FRAS1: variants seen among roughly 807,000 people sequenced by gnomAD.
FRAS1 encodes Fraser extracellular matrix complex subunit 1, also known as extracellular matrix organizing protein FRAS1.
A neutral mutation model predicts 435.2 loss-of-function variants in FRAS1; 290 were observed. That is an observed-to-expected ratio of 0.67 (90% CI 0.61 to 0.73). FRAS1 has a LOEUF of 0.73. Ranked by LOEUF, FRAS1 falls within the 30% of genes least tolerant of loss-of-function variation. The pLI is 0.00. For synonymous variants in FRAS1, 1,800 were observed against 1,851.0 expected (o/e 0.97, Z 0.71); for missense variants, 4,860 against 5,001.5 (o/e 0.97, Z 0.85).
chr4:78,367,355 T>C (rs1190162142), intron 22 of FRAS1, among the ~76,000 whole-genome samples: 1 of 151,612 alleles, frequency 6.6e-6, no homozygotes, highest in Non-Finnish European at 1.5e-5. Flanking sequence ...TGAGCTGTGT[T>C]CATGCCACTA....
Position 78,540,830 on chromosome 4 carries a change from T to C in FRAS1, c.11745T>C (p.Leu3915=). 5 of 1,614,028 alleles carry C rather than the reference T, an allele frequency of 3.1e-6. No individual in the cohort carries two copies. The highest frequency in any genetic ancestry group is 3.4e-6 in the Non-Finnish European group (4 of 1,179,872). Residue 3915 remains leucine (L), a synonymous_variant, in exon 74 of 74, where the codon CTT becomes CTC. Coordinates refer to ENST00000512123, the MANE Select transcript of FRAS1 (RefSeq NM_025074.7). Reference sequence around the variant, plus strand: ...GCAGTGCCCTGGCTGCAATCATGCTTCTACTTCTGGTGTTTTTGGTGGCTT... The same window carrying C: ...GCAGTGCCCTGGCTGCAATCATGCTCCTACTTCTGGTGTTTTTGGTGGCTT... ...SIGSALAAIM[L]LLLVFLVACF...
intron 70 of FRAS1, among the ~76,000 whole-genome samples, chr4:78,533,790 G>A (rs368089356): frequency 1.1e-4 from 16 of 152,288 alleles, no homozygotes; most frequent in East Asian, 9.6e-4. Flanking sequence ...TATGTGTTTC[G>A]GAGCTTAGAG....
chr4:78,206,982 C>T lies in FRAS1; in HGVS notation c.109-30528C>T, dbSNP rs181347697. Among the ~76,000 whole-genome samples the T allele has an allele frequency of 1.6e-4, 25 of 152,300 alleles. No homozygotes were observed. The East Asian group carries it at 3.9e-3, about 23-fold the overall frequency. On this transcript the variant is annotated intron_variant, in intron 2 of 73. Transcript: ENST00000512123. ...CTGGGGGCAATAGGGCCTAGTTATC[C>T]TGAGGTGTGCTCAGGTGGAGCCCTT... is the stretch of plus-strand genomic sequence containing the variant.
At chr4:78,095,790 T>G (rs1741773096) in intron 2 of FRAS1, among the ~76,000 whole-genome samples, 1 of 152,074 alleles carries the variant, frequency 6.6e-6, no homozygotes. Flanking sequence ...CTCTGCTGAG[T>G]CCCTACCACA....
intron 29 of FRAS1, among the ~76,000 whole-genome samples, chr4:78,392,613 G>T (rs73831307): frequency 8.2e-4 from 124 of 152,104 alleles, no homozygotes; most frequent in African/African-American, 2.9e-3. Flanking sequence ...ATTGTTCTAT[G>T]AAATGAATTA....
rs41327848 is a variant in FRAS1 at position 78,482,528 on chromosome 4, C to T, written c.8745C>T (p.Phe2915=). The T allele has an allele frequency of 0.2, 330,127 of 1,612,948 alleles. 37,424 individuals are homozygous for T. Among genetic ancestry groups the T allele is most frequent in the African/African-American group, 0.33 (24,464 of 74,926 alleles). ...CAGTCATTGCAATTAATGACACATT[C>T]CAAGATGGTAAGAGATTGGGGATGC... ...FQAVIAINDT[F]QDVPSMQFAK... is the part of the protein sequence containing the mutation. The change falls in exon 58 of 74, where the codon TTC becomes TTT. Residue 2915 remains phenylalanine (F), a synonymous_variant. Transcript: ENST00000512123.
chr4:78,436,355 TCTTTA>T (rs1232747901), intron 38 of FRAS1, among the ~76,000 whole-genome samples: 5 of 152,212 alleles, frequency 3.3e-5, no homozygotes, highest in African/African-American at 9.7e-5. Flanking sequence ...CACAGGATGT[TCTTTA>T]CTTTGCTGGT....
At chr4:78,264,342 T>G (rs948476838) in intron 6 of FRAS1, among the ~76,000 whole-genome samples, 7 of 152,182 alleles carry the variant, frequency 4.6e-5, no homozygotes, top group African/African-American at 1.7e-4. Context: ...TTTGGGCATT[T>G]AATCTGTCAC....
intron 2 of FRAS1, among the ~76,000 whole-genome samples, chr4:78,066,505 GC>G (rs1251944422): frequency 2.6e-5 from 4 of 152,166 alleles, no homozygotes; most frequent in Non-Finnish European, 4.4e-5. Flanking sequence ...CTGAACTCTT[GC>G]CATATAGGGT....
intron 9 of FRAS1, among the ~76,000 whole-genome samples, chr4:78,270,507 C>G (rs763221640): frequency 5.9e-5 from 9 of 151,832 alleles, no homozygotes; most frequent in Non-Finnish European, 1.0e-4. Context: ...ATTTCCCTCC[C>G]ACAATTTTTT....
intron 2 of FRAS1, among the ~76,000 whole-genome samples, chr4:78,193,268 C>T (rs1722635816): frequency 6.6e-6 from 1 of 152,160 alleles, no homozygotes; most frequent in African/African-American, 2.4e-5. Context: ...GTGGAGAGTT[C>T]TGCAGATGTC....
chr4:78,069,633 A>G (rs1169427123), intron 2 of FRAS1, among the ~76,000 whole-genome samples: 1 of 152,158 alleles, frequency 6.6e-6, no homozygotes, highest in Non-Finnish European at 1.5e-5. Flanking sequence ...GTTGTTGCAA[A>G]GACGATAATA....
chr4:78,209,561 G>A (rs1723416101), intron 2 of FRAS1, among the ~76,000 whole-genome samples: 1 of 152,034 alleles, frequency 6.6e-6, no homozygotes, highest in African/African-American at 2.4e-5. Flanking sequence ...TTTGCCTGGG[G>A]CTTCCTTTAC....
intron 66 of FRAS1, among the ~76,000 whole-genome samples, chr4:78,518,262 A>T (rs1721270855): frequency 6.6e-6 from 1 of 151,950 alleles, no homozygotes; most frequent in African/African-American, 2.4e-5. Context: ...TTAAAAAAAA[A>T]CTTTAGAAAA....
chr4:78,536,898 A>G, intron 71 of FRAS1, 97 bp from the exon 72 acceptor site: 1 of 873,438 alleles, frequency 1.1e-6, no homozygotes, highest in Non-Finnish European at 1.8e-6. Flanking sequence ...AGTGCTTTTC[A>G]CTCTTAAGGG....
intron 2 of FRAS1, among the ~76,000 whole-genome samples, chr4:78,068,210 C>A (rs577215864): frequency 1.3e-5 from 2 of 152,104 alleles, no homozygotes; most frequent in South Asian, 4.2e-4. Flanking sequence ...TATAGAATGT[C>A]AGATAGGTGG....
At chr4:78,207,486 A>G (rs1723312000) in intron 2 of FRAS1, among the ~76,000 whole-genome samples, 1 of 152,222 alleles carries the variant, frequency 6.6e-6, no homozygotes, top group Non-Finnish European at 1.5e-5. Context: ...ACATATTTCA[A>G]AAATAGTGTA....
intron 31 of FRAS1, among the ~76,000 whole-genome samples, chr4:78,409,389 A>T (rs1408892136): frequency 1.3e-5 from 2 of 152,144 alleles, no homozygotes; most frequent in Non-Finnish European, 2.9e-5. Context: ...ACTCAGAAGA[A>T]AATTGATGGC....
intron 20 of FRAS1, among the ~76,000 whole-genome samples, chr4:78,357,329 A>C (rs1730894348): frequency 6.6e-6 from 1 of 152,162 alleles, no homozygotes; most frequent in South Asian, 2.1e-4. Context: ...CCATGTTTTC[A>C]GGTTGCTCAG....
Sources: gnomAD v4.1 joint callset for allele counts (sites outside exome capture counted in the v4.1 genomes callset) on GRCh38, gnomAD v4.1.1 for gene constraint, MANE v1.5 for transcripts, NCBI Gene and HGNC (gene_info 2026-07-23, HGNC 2026-07-21) for gene names.